SUDS3: variants seen among roughly 807,000 people sequenced by gnomAD.
The protein encoded by SUDS3 is sin3 histone deacetylase corepressor complex component SDS3.
Under a neutral mutation model 53.5 loss-of-function variants are expected in SUDS3, and 23 were observed. That is an observed-to-expected ratio of 0.43 (90% CI 0.31 to 0.61). The LOEUF (loss-of-function observed/expected upper bound fraction) is 0.61. Ranked by LOEUF, SUDS3 falls within the 20% of genes least tolerant of loss-of-function variation. SUDS3 has a pLI of 0.10. For missense variants in SUDS3, 291 were observed against 405.9 expected, an observed-to-expected ratio of 0.72 and a Z score of 2.43; for synonymous variants, 150 against 148.5, an observed-to-expected ratio of 1.01 and a Z score of -0.08.
In SUDS3 at chr12:118,400,606, T is replaced by C; in HGVS notation, c.518-53T>C. The stretch of plus-strand genomic sequence containing the variant: ...GATATTCTTATACTATAGAAATTCT[T>C]ACTGACTTCAAGTGGGAGTTGGATA... On this transcript the variant is annotated intron_variant, in intron 6 of 11. Coordinates refer to ENST00000543473, the MANE Select transcript of SUDS3 (RefSeq NM_022491.3). 3 of 1,547,486 alleles carry C rather than the reference T, an allele frequency of 1.9e-6. No individual in the cohort carries two copies. In the South Asian group the frequency reaches 3.3e-5, roughly 17 times the overall value.
At chr12:118,401,677 T>C in intron 7 of SUDS3, 82 bp from the exon 8 acceptor site, 1 of 1,163,884 alleles carries the variant, frequency 8.6e-7, no homozygotes. Context: ...CTTTGTAAAT[T>C]CTAAAATACT....
At position 118,376,808 on chromosome 12, in the gene SUDS3, C is replaced by G; in HGVS notation, c.117C>G (p.Ser39Arg). 6.5e-7 allele frequency: 1 copy of G among 1,547,676 alleles called. No homozygotes were observed. Among genetic ancestry groups the G allele is most frequent in the Non-Finnish European group, 8.7e-7 (1 of 1,153,204 alleles). ...AGAGCGCCGAGGACGACGAGCGCAGCTGTCGGGGCCGCGAGTCGGACGAAG... is the reference window on the plus strand; with the variant it reads ...AGAGCGCCGAGGACGACGAGCGCAGGTGTCGGGGCCGCGAGTCGGACGAAG... ...ELESAEDDER[S>R]CRGRESDEDT... Residue 39 changes from serine to arginine, a missense_variant, in exon 1 of 12, where the codon AGC (serine) becomes AGG (arginine). Coordinates refer to ENST00000543473, the MANE Select transcript of SUDS3 (RefSeq NM_022491.3).
chr12:118,408,049 C>T (rs530833027), intron 10 of SUDS3, among the ~76,000 whole-genome samples: 8 of 152,174 alleles, frequency 5.3e-5, no homozygotes, highest in Admixed American at 2.0e-4. Context: ...TACAGGCACC[C>T]GCCACCACGC....
chr12:118,392,220 T>A (rs2046173973), intron 6 of SUDS3, among the ~76,000 whole-genome samples: 1 of 152,218 alleles, frequency 6.6e-6, no homozygotes, highest in South Asian at 2.1e-4. Context: ...TGTGTCTGAT[T>A]TTAGCAGGGT....
rs1245623873 is a variant in SUDS3 at position 118,415,060 on chromosome 12, C to T, written c.*627C>T. On this transcript the variant is annotated 3_prime_UTR_variant, in exon 12 of 12. Transcript: ENST00000543473. ...AAGCTTGCCTGGAAGACTATGTGCA[C>T]TGAAGTAAATGGGGTTGGGGGAGGG... 1 of 152,218 alleles carries T rather than the reference C, an allele frequency of 6.6e-6. No individual in the cohort carries two copies. Among genetic ancestry groups the T allele is most frequent in the Non-Finnish European group, 1.5e-5 (1 of 68,078 alleles). 9.4% of individuals were successfully genotyped at this position (152,218 alleles called of 1,614,324 possible).
At chr12:118,405,528 G>T (rs1246647081) in intron 10 of SUDS3, among the ~76,000 whole-genome samples, 1 of 152,178 alleles carries the variant, frequency 6.6e-6, no homozygotes, top group East Asian at 1.9e-4. Context: ...ATTAACAGCA[G>T]AAATTTAGAA....
At position 118,414,321 on chromosome 12, in the gene SUDS3, C is replaced by T. The variant is rs2046382405; in HGVS notation, c.889-14C>T. ...TTTAACTTTTCATCTTGTTCCCTTT[C>T]CTCTCCCCTGCAGATCTGGGTGAGG... On this transcript the variant is annotated splice_polypyrimidine_tract_variant and intron_variant, in intron 11 of 11. Coordinates refer to ENST00000543473, the MANE Select transcript of SUDS3 (RefSeq NM_022491.3). 1 of 1,580,160 alleles carries T rather than the reference C, an allele frequency of 6.3e-7. No individual in the cohort carries two copies. The highest frequency in any genetic ancestry group is 8.6e-7 in the Non-Finnish European group (1 of 1,161,910).
At chr12:118,412,711 T>C (rs1810421687) in intron 11 of SUDS3, among the ~76,000 whole-genome samples, 1 of 152,216 alleles carries the variant, frequency 6.6e-6, no homozygotes, top group Non-Finnish European at 1.5e-5. Flanking sequence ...TATTCTCCTC[T>C]ATGATACCTC....
intron 1 of SUDS3, 87 bp from the exon 2 acceptor site, chr12:118,380,075 A>G: frequency 6.8e-6 from 7 of 1,025,362 alleles, no homozygotes; most frequent in Non-Finnish European, 1.0e-5. Context: ...ATTTTACGGG[A>G]GTTTATTGAG....
intron 4 of SUDS3, among the ~76,000 whole-genome samples, chr12:118,388,056 G>A (rs932766573): frequency 2.6e-5 from 4 of 152,204 alleles, no homozygotes; most frequent in South Asian, 2.1e-4. Context: ...ATGATTTCTC[G>A]GAATGGCACA....
chr12:118,400,847 C>G lies in SUDS3; in HGVS notation c.613+93C>G, dbSNP rs1458254439. Reference sequence around the variant, plus strand: ...TTGCTAGGGTACACATGGCCGTTGTCCTACAGAAAATAGTAACATTTAACT... The same window carrying G: ...TTGCTAGGGTACACATGGCCGTTGTGCTACAGAAAATAGTAACATTTAACT... On this transcript the variant is annotated intron_variant, in intron 7 of 11. Transcript: ENST00000543473. The G allele has an allele frequency of 1.3e-5, 15 of 1,176,816 alleles. No homozygotes were observed. The Admixed American group carries it at 2.6e-4, about 21-fold the overall frequency. The allele number at this position is 1,176,816 out of a possible 1,614,324, so 72.9% of individuals were successfully genotyped here. A position where few individuals can be genotyped will look rare whatever the true frequency, so the allele number is the denominator to read the frequency against.
At chr12:118,398,907 G>A (rs2046240095) in intron 6 of SUDS3, among the ~76,000 whole-genome samples, 1 of 152,120 alleles carries the variant, frequency 6.6e-6, no homozygotes, top group Admixed American at 6.5e-5. Context: ...CTTGAGGTTT[G>A]TATAGATGCT....
At chr12:118,399,257 T>G (rs1320531085) in intron 6 of SUDS3, among the ~76,000 whole-genome samples, 1 of 152,132 alleles carries the variant, frequency 6.6e-6, no homozygotes, top group East Asian at 1.9e-4. Flanking sequence ...ATCCCAGCAC[T>G]TTGAGAGGCT....
intron 4 of SUDS3, among the ~76,000 whole-genome samples, chr12:118,388,191 A>G (rs1390174826): frequency 6.6e-6 from 1 of 152,158 alleles, no homozygotes; most frequent in African/African-American, 2.4e-5. Context: ...AGTGGGTAGG[A>G]CTTCTGGGGG....
In SUDS3 at chr12:118,390,981, C is replaced by G. The variant is rs765859958; in HGVS notation, c.361-145C>G. 9 of 936,458 alleles carry G rather than the reference C, an allele frequency of 9.6e-6. No homozygotes were observed. In the Middle Eastern group the frequency reaches 9.0e-4, roughly 93 times the overall value. 58.0% of individuals were successfully genotyped at this position (936,458 alleles called of 1,614,324 possible). On this transcript the variant is annotated intron_variant, in intron 5 of 11. Transcript: ENST00000543473. Reference sequence around the variant, plus strand: ...CTGATTTTATACCCTCGCTGGAAAGCTTGTTCTCAGACACACTGTTACTGC... The same window carrying G: ...CTGATTTTATACCCTCGCTGGAAAGGTTGTTCTCAGACACACTGTTACTGC...
intron 10 of SUDS3, among the ~76,000 whole-genome samples, chr12:118,409,900 G>T (rs572676151): frequency 5.9e-5 from 9 of 152,350 alleles, no homozygotes; most frequent in African/African-American, 2.2e-4. Context: ...CCTTGGCCTT[G>T]TCTCTGAACT....
chr12:118,392,703 T>C (rs1241429566), intron 6 of SUDS3, among the ~76,000 whole-genome samples: 3 of 152,230 alleles, frequency 2.0e-5, no homozygotes, highest in African/African-American at 7.2e-5. Context: ...TGGCTGTGAC[T>C]GGCATTGATG....
intron 2 of SUDS3, among the ~76,000 whole-genome samples, chr12:118,381,526 G>A (rs957303689): frequency 2.6e-5 from 4 of 151,754 alleles, no homozygotes; most frequent in Admixed American, 6.6e-5. Context: ...AGGACTACAG[G>A]CACATGCCAC....
At chr12:118,403,557 T>C in intron 10 of SUDS3, 40 bp downstream of exon 10, 3 of 1,518,126 alleles carry the variant, frequency 2.0e-6, no homozygotes, top group South Asian at 1.2e-5. Flanking sequence ...GAGTCTCATA[T>C]GAACCACTTG....
Sources: allele counts gnomAD v4.1 joint callset (sites outside exome capture counted in the v4.1 genomes callset), GRCh38; gene constraint gnomAD v4.1.1; transcripts MANE v1.5; gene names NCBI Gene and HGNC (gene_info 2026-07-23, HGNC 2026-07-21).